Variants in PLB1 observed in about 807,000 individuals in gnomAD.
The protein encoded by PLB1 is phospholipase B1, membrane-associated.
In PLB1, 242 loss-of-function variants were observed where a neutral mutation model predicts 227.4. The ratio of observed to expected loss-of-function variants is 1.06; its 90% CI spans 0.96 to 1.18. The LOEUF is 1.18. Among genes scored for constraint, PLB1 ranks in the 50% most tolerant of loss-of-function variants. The probability of loss-of-function intolerance (pLI) is 0.00; values close to 1 mark genes in which losing one functional copy is unlikely to be tolerated. For missense variants in PLB1, 1,858 were observed against 1,816.3 expected, an observed-to-expected ratio of 1.02 and a Z score of -0.42; for synonymous variants, 757 against 682.2, an observed-to-expected ratio of 1.11 and a Z score of -1.71.
rs877832 is a variant in PLB1, at chr2:28,578,027, C to A, written c.1434-80C>A. On this transcript the variant is annotated intron_variant, in intron 21 of 57. Transcript: ENST00000327757. ...CCACCCTGGGCCTTCCTCCACCATA[C>A]ATTTGATTGCTGTTCTCTCTGCTAA... 2.0e-5 allele frequency: 28 copies of A among 1,392,146 alleles called. No homozygotes were observed. The African/African-American group carries it at 4.0e-4, about 20-fold the overall frequency. The allele number at this position is 1,392,146 out of a possible 1,614,324, so 86.2% of individuals were successfully genotyped here.
chr2:28,603,949 TC>T lies in PLB1; in HGVS notation c.2775-12del, dbSNP rs746796321. ...AGCCTGAGCTCTGGGGCCTCCTGCC[TC>T]CCCCTCTTTGTGCAGCGTTTTGTGT... On this transcript the variant is annotated splice_polypyrimidine_tract_variant and intron_variant, in intron 39 of 57. Transcript: ENST00000327757. 1.2e-5 allele frequency: 19 copies of T among 1,611,292 alleles called. No homozygotes were observed. The highest frequency in any genetic ancestry group is 1.5e-5 in the Non-Finnish European group (18 of 1,177,612).
At position 28,605,865 on chromosome 2, in the gene PLB1, G is replaced by T. The variant is rs949532104; in HGVS notation, c.2974G>T (p.Asp992Tyr). 11 of 1,613,304 alleles carry T rather than the reference G, an allele frequency of 6.8e-6. No homozygotes were observed. Among genetic ancestry groups the T allele is most frequent in the Non-Finnish European group, 8.5e-6 (10 of 1,179,394 alleles). ...TGGTCTCTTTCAGGATGGGCTCCCA[G>T]ATACGTCCTTCTTTGCCCCAGACTG... Reference protein sequence around the residue: ...QLPVLADGLPDTSFFAPDCIH... With the variant: ...QLPVLADGLPYTSFFAPDCIH... The change falls in exon 42 of 58, where the codon GAT becomes TAT. Residue 992 changes from aspartate (D) to tyrosine (Y), a missense_variant. Coordinates refer to ENST00000327757, the MANE Select transcript of PLB1 (RefSeq NM_153021.5).
chr2:28,537,506 C>T (rs192728863), intron 9 of PLB1, among the ~76,000 whole-genome samples: 1 of 151,950 alleles, frequency 6.6e-6, no homozygotes, highest in African/African-American at 2.4e-5. Context: ...GCCTGGCCAA[C>T]ATGGTGAAAC....
At chr2:28,628,756 A>C in intron 52 of PLB1, 128 bp downstream of exon 52, 9 of 927,484 alleles carry the variant, frequency 9.7e-6, no homozygotes, top group Non-Finnish European at 1.6e-5. Flanking sequence ...GATGGCAGGG[A>C]GGGAGGTGGC....
At chr2:28,539,339 G>A (rs577317238) in intron 11 of PLB1, among the ~76,000 whole-genome samples, 161 bp downstream of exon 11, 2 of 152,216 alleles carry the variant, frequency 1.3e-5, no homozygotes, top group Non-Finnish European at 2.9e-5. Flanking sequence ...GCGAGTGGCA[G>A]AGTCGGGGTG....
chr2:28,514,251 ATTT>A (rs1668586682), intron 1 of PLB1, among the ~76,000 whole-genome samples: 3 of 152,140 alleles, frequency 2.0e-5, no homozygotes, highest in African/African-American at 4.8e-5. Context: ...TGTTGACTCT[ATTT>A]AAGTGGGTTT....
At chr2:28,512,036 C>T (rs1446154437) in intron 1 of PLB1, among the ~76,000 whole-genome samples, 1 of 151,366 alleles carries the variant, frequency 6.6e-6, no homozygotes, top group African/African-American at 2.4e-5. Flanking sequence ...GGTGATCCAC[C>T]CACCTCAGCC....
intron 23 of PLB1, among the ~76,000 whole-genome samples, chr2:28,581,482 C>CAAAAAAA (rs149826765): frequency 3.4e-5 from 2 of 58,268 alleles, no homozygotes; most frequent in African/African-American, 1.8e-4. Context: ...GAGCTCCACG[C>CAAAAAAA]AAAAAAATAA....
intron 33 of PLB1, among the ~76,000 whole-genome samples, chr2:28,597,263 C>CAAA (rs1553448752): frequency 0.014 from 1,444 of 103,564 alleles, 42 homozygotes; most frequent in African/African-American, 0.047. Context: ...GACTCCGTCT[C>CAAA]GAAAAAAAAA....
intron 16 of PLB1, among the ~76,000 whole-genome samples, 199 bp downstream of exon 16, chr2:28,550,283 C>T (rs1360634663): frequency 6.6e-6 from 1 of 151,902 alleles, no homozygotes; most frequent in Non-Finnish European, 1.5e-5. Context: ...AGCAGTTCTC[C>T]TGCCTCAGCT....
In PLB1 at chr2:28,642,823, G is replaced by A. The variant is rs199807165; in HGVS notation, c.4174-35G>A. On this transcript the variant is annotated intron_variant, in intron 57 of 57. Transcript: ENST00000327757. ...GGCTTGGTGATGGATGGTTCACGGA[G>A]ATCCTTTCCACTGACCCCCGCTCCT... is the stretch of plus-strand genomic sequence containing the variant. 327 of 1,527,464 alleles carry A rather than the reference G, an allele frequency of 2.1e-4. 1 individual carries two copies. In the African/African-American group the frequency reaches 3.9e-3, roughly 18 times the overall value. 94.6% of individuals were successfully genotyped at this position (1,527,464 alleles called of 1,614,324 possible). A position where few individuals can be genotyped will look rare whatever the true frequency, so the allele number is the denominator to read the frequency against.
At chr2:28,577,616 A>G (rs183454133) in intron 21 of PLB1, among the ~76,000 whole-genome samples, 6 of 152,176 alleles carry the variant, frequency 3.9e-5, no homozygotes, top group African/African-American at 1.2e-4. Context: ...GCCGAGGCAG[A>G]TGGATCGTGA....
chr2:28,501,986 A>G (rs1319208979), intron 1 of PLB1, among the ~76,000 whole-genome samples: 1 of 152,184 alleles, frequency 6.6e-6, no homozygotes, highest in African/African-American at 2.4e-5. Context: ...CTTAGGATAA[A>G]TTCCTGGAAC....
rs1327264351 is a variant in PLB1 at position 28,601,958 on chromosome 2, TAGAG to T, written c.2670_2673del (p.Glu891CysfsTer12). On this transcript the variant is annotated frameshift_variant and splice_region_variant, in exon 38 of 58. Coordinates refer to ENST00000327757, the MANE Select transcript of PLB1 (RefSeq NM_153021.5). LOFTEE classifies it high-confidence loss of function. ...TCCGCAATGCCTTGGACGTCCTGCA[TAGAG>T]AGGTGGGTGGGGGGCTTCCACAAGC... 6.2e-7 allele frequency: 1 copy of T among 1,609,236 alleles called. No individual in the cohort carries two copies. Among genetic ancestry groups the T allele is most frequent in the Admixed American group, 1.7e-5 (1 of 59,998 alleles).
intron 56 of PLB1, among the ~76,000 whole-genome samples, chr2:28,639,041 C>T (rs1418216628): frequency 1.3e-5 from 2 of 148,278 alleles, no homozygotes; most frequent in African/African-American, 5.0e-5. Context: ...GCACTCCAGC[C>T]TGGGTGACAG....
intron 51 of PLB1, 23 bp from the exon 52 acceptor site, chr2:28,628,540 A>G: frequency 1.2e-6 from 2 of 1,612,232 alleles, no homozygotes; most frequent in Non-Finnish European, 8.5e-7. Context: ...GGGGCTAAAG[A>G]GAGTACCCTT....
chr2:28,612,950 C>T (rs1408329543), intron 43 of PLB1, among the ~76,000 whole-genome samples: 1 of 150,752 alleles, frequency 6.6e-6, no homozygotes, highest in African/African-American at 2.4e-5. Context: ...AACAGAGTCT[C>T]ACTCTGTTGC....
intron 50 of PLB1, among the ~76,000 whole-genome samples, chr2:28,626,193 A>G (rs554885495): frequency 2.6e-5 from 4 of 151,898 alleles, no homozygotes; most frequent in Non-Finnish European, 4.4e-5. Context: ...ACGGGGTTTC[A>G]TCATGTTGGC....
At chr2:28,522,286 C>A (rs1412816361) in intron 4 of PLB1, among the ~76,000 whole-genome samples, 1 of 151,886 alleles carries the variant, frequency 6.6e-6, no homozygotes, top group East Asian at 1.9e-4. Flanking sequence ...ATAGACTGAA[C>A]CTTAGGAAAC....
Sources: gnomAD v4.1 joint callset for allele counts (sites outside exome capture counted in the v4.1 genomes callset) on GRCh38, gnomAD v4.1.1 for gene constraint, MANE v1.5 for transcripts, NCBI Gene and HGNC (gene_info 2026-07-23, HGNC 2026-07-21) for gene names.